SPAG16: variants seen among roughly 807,000 people sequenced by gnomAD.
SPAG16 encodes the protein sperm-associated antigen 16 protein.
Under a neutral mutation model 80.4 loss-of-function variants are expected in SPAG16, and 86 were observed. That is an observed-to-expected ratio of 1.07 (90% CI 0.90 to 1.28). The LOEUF is 1.28. Ranked by LOEUF, SPAG16 falls within the 50% of genes most tolerant of loss-of-function variation. SPAG16 has a pLI of 0.00. For synonymous variants in SPAG16, 294 were observed against 265.9 expected (o/e 1.11, Z -1.03); for missense variants, 870 against 765.3 (o/e 1.14, Z -1.61).
chr2:214,361,372 A>T (rs148706873), intron 15 of SPAG16, among the ~76,000 whole-genome samples: 1 of 151,950 alleles, frequency 6.6e-6, no homozygotes, highest in African/African-American at 2.4e-5. Flanking sequence ...TATCAAGTAA[A>T]TGAAAATTCT....
intron 15 of SPAG16, among the ~76,000 whole-genome samples, chr2:214,248,789 A>C (rs1690041120): frequency 6.6e-6 from 1 of 152,192 alleles, no homozygotes. Context: ...TAATAAGAGA[A>C]TAGCAAGTGA....
chr2:214,155,988 T>C (rs1234491069), intron 15 of SPAG16, among the ~76,000 whole-genome samples: 2 of 152,206 alleles, frequency 1.3e-5, no homozygotes, highest in Non-Finnish European at 2.9e-5. Flanking sequence ...TTCTGACTCT[T>C]ATTCTAATAA....
At chr2:214,339,632 G>A (rs1459804860) in intron 15 of SPAG16, among the ~76,000 whole-genome samples, 3 of 151,996 alleles carry the variant, frequency 2.0e-5, no homozygotes, top group Admixed American at 6.5e-5. Flanking sequence ...ATGCTTATTT[G>A]TTCTTACTTG....
At chr2:213,626,641 A>AGTTTTTTTTTT (rs1213389671) in intron 10 of SPAG16, among the ~76,000 whole-genome samples, 1 of 98,980 alleles carries the variant, frequency 1.0e-5, no homozygotes, top group Non-Finnish European at 1.9e-5. Context: ...ATCGGGCTCA[A>AGTTTTTTTTTT]TTTTTTTTTT....
At chr2:213,436,982 G>T (rs921230157) in intron 9 of SPAG16, among the ~76,000 whole-genome samples, 1 of 151,880 alleles carries the variant, frequency 6.6e-6, no homozygotes, top group East Asian at 1.9e-4. Context: ...CATGATCTCG[G>T]TTCACTGCAA....
At chr2:213,354,371 G>A (rs954480029) in intron 7 of SPAG16, among the ~76,000 whole-genome samples, 2 of 152,130 alleles carry the variant, frequency 1.3e-5, no homozygotes, top group Admixed American at 6.5e-5. Flanking sequence ...CTTTATCGTA[G>A]CATCATTTAT....
intron 10 of SPAG16, among the ~76,000 whole-genome samples, chr2:213,686,739 T>C (rs1050392030): frequency 7.4e-6 from 1 of 135,158 alleles, no homozygotes; most frequent in South Asian, 2.4e-4. Context: ...CAGGCTGGAG[T>C]GTAGTGGTGC....
At chr2:214,146,486 G>A (rs2055644059) in intron 14 of SPAG16, among the ~76,000 whole-genome samples, 1 of 152,156 alleles carries the variant, frequency 6.6e-6, no homozygotes, top group Non-Finnish European at 1.5e-5. Context: ...TGCTTTGGAA[G>A]GACTTGGACC....
intron 12 of SPAG16, among the ~76,000 whole-genome samples, chr2:213,997,184 T>G (rs1254434790): frequency 6.6e-6 from 1 of 152,200 alleles, no homozygotes; most frequent in African/African-American, 2.4e-5. Flanking sequence ...CCTCCAAATA[T>G]TCCTCATCTT....
intron 10 of SPAG16, among the ~76,000 whole-genome samples, chr2:213,598,055 C>T (rs2060942090): frequency 6.6e-6 from 1 of 152,152 alleles, no homozygotes; most frequent in Non-Finnish European, 1.5e-5. Flanking sequence ...GGCTTCCTCT[C>T]TCTTCCTCCC....
At chr2:213,636,982 A>G (rs2062386584) in intron 10 of SPAG16, among the ~76,000 whole-genome samples, 1 of 152,184 alleles carries the variant, frequency 6.6e-6, no homozygotes, top group Non-Finnish European at 1.5e-5. Context: ...CAGGACTTCC[A>G]GTACTATGTT....
intron 13 of SPAG16, among the ~76,000 whole-genome samples, chr2:214,043,834 A>G (rs530158674): frequency 4.3e-4 from 66 of 152,268 alleles, no homozygotes; most frequent in African/African-American, 1.5e-3. Context: ...ATTTAATACT[A>G]TATATGTTTA....
intron 10 of SPAG16, among the ~76,000 whole-genome samples, chr2:213,660,642 A>G (rs2063390435): frequency 6.6e-6 from 1 of 152,126 alleles, no homozygotes; most frequent in Non-Finnish European, 1.5e-5. Flanking sequence ...CTTGGCTTGG[A>G]TGGAATCCAG....
Position 213,808,211 on chromosome 2 carries a change from A to C in SPAG16, c.1071-54274A>C, listed in dbSNP as rs542762870. Among the ~76,000 whole-genome samples, 31 of 152,320 alleles carry C rather than the reference A, an allele frequency of 2.0e-4. No homozygotes were observed. In the South Asian group the frequency reaches 6.0e-3, roughly 30 times the overall value. Reference sequence around the variant, plus strand: ...TTGTTCTGAGCACTTGTTTGCAGGTAAACAAGAACATTTACCAAGTAAGGT... The same window carrying C: ...TTGTTCTGAGCACTTGTTTGCAGGTCAACAAGAACATTTACCAAGTAAGGT... On this transcript the variant is annotated intron_variant, in intron 10 of 15. Transcript: ENST00000331683.
chr2:213,564,242 C>T (rs765859947), intron 10 of SPAG16, among the ~76,000 whole-genome samples: 7 of 151,934 alleles, frequency 4.6e-5, no homozygotes, highest in Non-Finnish European at 1.0e-4. Flanking sequence ...TTAAAAAAAA[C>T]GAGTATGTCT....
chr2:214,187,077 A>G (rs1301412741), intron 15 of SPAG16, among the ~76,000 whole-genome samples: 3 of 152,094 alleles, frequency 2.0e-5, no homozygotes, highest in Non-Finnish European at 2.9e-5. Context: ...AGTAGTTTCA[A>G]CAGGAGGGAT....
At chr2:214,014,191 A>G in intron 13 of SPAG16, 114 bp downstream of exon 13, 1 of 1,318,178 alleles carries the variant, frequency 7.6e-7, no homozygotes, top group South Asian at 1.6e-5. Context: ...ATTCAGGGCA[A>G]AAGAACAGTA....
intron 10 of SPAG16, among the ~76,000 whole-genome samples, chr2:213,788,087 T>C (rs2070454791): frequency 6.6e-6 from 1 of 152,028 alleles, no homozygotes; most frequent in Non-Finnish European, 1.5e-5. Context: ...ATTTAACCTT[T>C]ATGAAAGATT....
chr2:213,738,798 C>A (rs1388974662), intron 10 of SPAG16, among the ~76,000 whole-genome samples: 1 of 152,096 alleles, frequency 6.6e-6, no homozygotes, highest in Non-Finnish European at 1.5e-5. Flanking sequence ...TTTTTAGGGG[C>A]TCCATTTGGG....
Sources: gnomAD v4.1 joint callset for allele counts (sites outside exome capture counted in the v4.1 genomes callset) on GRCh38, gnomAD v4.1.1 for gene constraint, MANE v1.5 for transcripts, NCBI Gene and HGNC (gene_info 2026-07-23, HGNC 2026-07-21) for gene names.